Variants in ITGA9 observed in about 807,000 individuals in gnomAD.
ITGA9 encodes integrin alpha-9.
A neutral mutation model predicts 127.8 loss-of-function variants in ITGA9; 56 were observed. That is an observed-to-expected ratio of 0.44 (90% CI 0.35 to 0.55). The LOEUF is 0.55. Among genes scored for constraint, ITGA9 ranks in the 20% least tolerant of loss-of-function variants. The pLI, the probability that ITGA9 is intolerant of heterozygous loss-of-function variation, is 0.00. For synonymous variants in ITGA9, 508 were observed against 514.5 expected, an observed-to-expected ratio of 0.99 and a Z score of 0.17; for missense variants, 1,196 against 1,347.1, an observed-to-expected ratio of 0.89 and a Z score of 1.76.
At chr3:37,771,611 C>A (rs1390137283) in intron 23 of ITGA9, among the ~76,000 whole-genome samples, 1 of 152,142 alleles carries the variant, frequency 6.6e-6, no homozygotes, top group Non-Finnish European at 1.5e-5. Context: ...TGACCTTGGA[C>A]AAGTCGCTGA....
At chr3:37,750,834 T>A (rs1696576196) in intron 23 of ITGA9, among the ~76,000 whole-genome samples, 1 of 152,260 alleles carries the variant, frequency 6.6e-6, no homozygotes, top group African/African-American at 2.4e-5. Context: ...CTTCGCTGGC[T>A]CTGGGAACCC....
chr3:37,468,264 G>T (rs1432756593), intron 1 of ITGA9, among the ~76,000 whole-genome samples: 3 of 152,044 alleles, frequency 2.0e-5, no homozygotes, highest in Admixed American at 6.5e-5. Flanking sequence ...CCCCAGCAGG[G>T]CATCTTCCTC....
intron 17 of ITGA9, among the ~76,000 whole-genome samples, chr3:37,669,591 G>A (rs1322816555): frequency 6.6e-6 from 1 of 152,132 alleles, no homozygotes; most frequent in Non-Finnish European, 1.5e-5. Flanking sequence ...AGGATTCCAA[G>A]TTTCAAAAGG....
At chr3:37,813,164 T>A (rs1448742704) in intron 27 of ITGA9, among the ~76,000 whole-genome samples, 1 of 152,216 alleles carries the variant, frequency 6.6e-6, no homozygotes, top group Non-Finnish European at 1.5e-5. Flanking sequence ...CTGGCATGTG[T>A]ATGAAGAGTT....
chr3:37,627,991 T>C (rs962724234), intron 15 of ITGA9, among the ~76,000 whole-genome samples: 2 of 152,166 alleles, frequency 1.3e-5, no homozygotes, highest in Admixed American at 1.3e-4. Flanking sequence ...TTCCTCCCCG[T>C]GTGCCTCCTG....
chr3:37,519,174 A>T, intron 10 of ITGA9, 86 bp from the exon 11 acceptor site: 2 of 923,016 alleles, frequency 2.2e-6, no homozygotes. Context: ...GTATCCAGGG[A>T]CTCAGACATG....
chr3:37,651,189 G>C (rs1464454688), intron 16 of ITGA9, among the ~76,000 whole-genome samples: 1 of 152,178 alleles, frequency 6.6e-6, no homozygotes, highest in Non-Finnish European at 1.5e-5. Flanking sequence ...TTTGTTGGAT[G>C]GAAATTCAGC....
At chr3:37,576,649 C>A (rs1274411052) in intron 15 of ITGA9, among the ~76,000 whole-genome samples, 1 of 152,194 alleles carries the variant, frequency 6.6e-6, no homozygotes, top group Non-Finnish European at 1.5e-5. Flanking sequence ...CTCTATCGCC[C>A]AGGCTGGAAT....
At chr3:37,482,466 T>G (rs1698567292) in intron 4 of ITGA9, among the ~76,000 whole-genome samples, 1 of 152,218 alleles carries the variant, frequency 6.6e-6, no homozygotes, top group Non-Finnish European at 1.5e-5. Context: ...TAGTTTCAAG[T>G]TTTCTCAGCC....
chr3:37,697,343 ATTATTATT>A (rs1452820132), intron 18 of ITGA9, among the ~76,000 whole-genome samples: 2 of 126,678 alleles, frequency 1.6e-5, no homozygotes, highest in African/African-American at 5.3e-5. Context: ...TATTATTATT[ATTATTATT>A]ATACTTTAAG....
rs546625925 is a variant in ITGA9, at chr3:37,709,507, A to G, written c.2068-23205A>G. On this transcript the variant is annotated intron_variant, in intron 18 of 27. Coordinates refer to ENST00000264741, the MANE Select transcript of ITGA9 (RefSeq NM_002207.3). ...TGGGGGACTAAATAGGGACCAAATA[A>G]GTGAGTCCATGCTTTGGAAATGATG... Among the ~76,000 whole-genome samples, 26 of 152,364 alleles carry G rather than the reference A, an allele frequency of 1.7e-4. 1 individual carries two copies. In the South Asian group the frequency reaches 4.6e-3, roughly 27 times the overall value.
chr3:37,645,185 A>T (rs1278541312), intron 16 of ITGA9, among the ~76,000 whole-genome samples: 2 of 152,186 alleles, frequency 1.3e-5, no homozygotes, highest in Non-Finnish European at 2.9e-5. Flanking sequence ...TAGAAGGAAC[A>T]CCAGTTCAGA....
chr3:37,526,428 A>G (rs1699093992), intron 13 of ITGA9, among the ~76,000 whole-genome samples: 1 of 152,196 alleles, frequency 6.6e-6, no homozygotes, highest in Non-Finnish European at 1.5e-5. Context: ...AAAATATTTT[A>G]TAATTTCCTG....
chr3:37,678,217 A>G (rs1194455030), intron 17 of ITGA9, among the ~76,000 whole-genome samples: 3 of 152,216 alleles, frequency 2.0e-5, no homozygotes, highest in Non-Finnish European at 2.9e-5. Context: ...TTATATGACA[A>G]TTCTATGTTT....
rs1162788189 is a variant in ITGA9 at position 37,806,757 on chromosome 3, T to G, written c.3009+2815T>G. On this transcript the variant is annotated intron_variant, in intron 27 of 27. Transcript: ENST00000264741. This position sits in a 1 kb window ranked among gnomAD's most constrained non-coding sequence, Gnocchi z 4.3. Reference sequence around the variant, plus strand: ...CGTGTGCCCAGACCAGGGCTTGCCGTAACTAACGGGTGGCAGGAAAGCTTT... The same window carrying G: ...CGTGTGCCCAGACCAGGGCTTGCCGGAACTAACGGGTGGCAGGAAAGCTTT... The G allele has an allele frequency of 6.6e-6, 1 of 152,202 alleles. No homozygotes were observed. Among genetic ancestry groups the G allele is most frequent in the African/African-American group, 2.4e-5 (1 of 41,422 alleles). 9.4% of individuals were successfully genotyped at this position (152,202 alleles called of 1,614,324 possible). A position where few individuals can be genotyped will look rare whatever the true frequency, so the allele number is the denominator to read the frequency against.
intron 18 of ITGA9, among the ~76,000 whole-genome samples, chr3:37,700,172 T>C (rs1700930653): frequency 6.6e-6 from 1 of 152,086 alleles, no homozygotes; most frequent in Non-Finnish European, 1.5e-5. Flanking sequence ...TTAGTAGAGA[T>C]GGGGTTTCAC....
At chr3:37,473,136 C>CAAAAAAAAAAAAAAAAAA (rs36109791) in intron 2 of ITGA9, among the ~76,000 whole-genome samples, 3 of 70,778 alleles carry the variant, frequency 4.2e-5, no homozygotes, top group Non-Finnish European at 4.9e-5. Context: ...GAGACTGTCT[C>CAAAAAAAAAAAAAAAAAA]AAAAAAAAAA....
rs1278014790 is a variant in ITGA9, at chr3:37,471,003, G to A, written c.186-4G>A. The A allele has an allele frequency of 4.3e-6, 7 of 1,613,868 alleles. 1 individual carries two copies. In the South Asian group the frequency reaches 7.7e-5, roughly 18 times the overall value. On this transcript the variant is annotated splice_region_variant and splice_polypyrimidine_tract_variant and intron_variant, in intron 1 of 27. Transcript: ENST00000264741. The stretch of plus-strand genomic sequence containing the variant: ...TGACAGAATGCCTTTTTCTCTTGCT[G>A]CAGGGTCCTTGTGGGCGCACCAAAG...
intron 9 of ITGA9, among the ~76,000 whole-genome samples, chr3:37,515,567 G>A (rs1698975753): frequency 6.6e-6 from 1 of 152,166 alleles, no homozygotes; most frequent in Non-Finnish European, 1.5e-5. Flanking sequence ...GTGAAACCCT[G>A]TCTCTACTAA....
Sources: gnomAD v4.1 joint callset for allele counts (sites outside exome capture counted in the v4.1 genomes callset) on GRCh38, gnomAD v4.1.1 for gene constraint, Gnocchi (gnomAD v3.1) non-coding constraint, MANE v1.5 for transcripts, NCBI Gene and HGNC (gene_info 2026-07-23, HGNC 2026-07-21) for gene names.